Variants in MTR observed in about 807,000 individuals in gnomAD.
The protein encoded by MTR is 5-methyltetrahydrofolate-homocysteine methyltransferase.
In MTR, 84 loss-of-function variants were observed where a neutral mutation model predicts 154.8. The ratio of observed to expected loss-of-function variants is 0.54; its 90% CI spans 0.45 to 0.65. The LOEUF is 0.65. Ranked by LOEUF, MTR falls within the 30% of genes least tolerant of loss-of-function variation. MTR has a pLI of 0.00. For missense variants in MTR, 1,275 were observed against 1,570.2 expected (o/e 0.81, Z 3.18); for synonymous variants, 554 against 553.9 (o/e 1.00, Z 0.00).
intron 13 of MTR, among the ~76,000 whole-genome samples, chr1:236,834,138 G>A (rs1356423555): frequency 6.6e-6 from 1 of 152,062 alleles, no homozygotes; most frequent in Non-Finnish European, 1.5e-5. Flanking sequence ...ATTTAAATTA[G>A]TATTGATACT....
Position 236,832,017 on chromosome 1 carries a change from AGC to A in MTR, c.1130_1131del (p.Arg377LeufsTer2). 6.2e-7 allele frequency: 1 copy of A among 1,614,124 alleles called. No individual in the cohort carries two copies. The highest frequency in any genetic ancestry group is 8.5e-7 in the Non-Finnish European group (1 of 1,180,002). On this transcript the variant is annotated frameshift_variant, in exon 13 of 33. Transcript: ENST00000366577. LOFTEE classifies it high-confidence loss of function. Reference sequence around the variant, plus strand: ...TACACCAACTTTGTTAACATTGGAGAGCGCTGTAATGTTGCAGGATCAAGGAA... The same window carrying A: ...TACACCAACTTTGTTAACATTGGAGAGCTGTAATGTTGCAGGATCAAGGAA...
intron 3 of MTR, among the ~76,000 whole-genome samples, chr1:236,808,281 G>A (rs963408221): frequency 1.3e-5 from 2 of 152,160 alleles, no homozygotes; most frequent in African/African-American, 4.8e-5. Context: ...ATGAATCAAG[G>A]CCTGGAAAAG....
rs989405304 is a variant in MTR, at chr1:236,898,349, G to A, written c.*705G>A. ...CCTGAGGAAACAAAAAGGAAATGAG[G>A]AGAGAAAGTTACTGTTAAGGGTGGT... is the stretch of plus-strand genomic sequence containing the variant. On this transcript the variant is annotated 3_prime_UTR_variant, in exon 33 of 33. Coordinates refer to ENST00000366577, the MANE Select transcript of MTR (RefSeq NM_000254.3). 1 of 152,008 alleles carries A rather than the reference G, an allele frequency of 6.6e-6. No homozygotes were observed. The highest frequency in any genetic ancestry group is 2.4e-5 in the African/African-American group (1 of 41,388). The allele number at this position is 152,008 out of a possible 1,614,324, so 9.4% of individuals were successfully genotyped here. A position where few individuals can be genotyped will look rare whatever the true frequency, so the allele number is the denominator to read the frequency against.
intron 24 of MTR, among the ~76,000 whole-genome samples, chr1:236,878,507 C>T (rs1283232050): frequency 1.3e-5 from 2 of 152,022 alleles, no homozygotes; most frequent in Non-Finnish European, 2.9e-5. Flanking sequence ...AAGGTTAAGG[C>T]TGTCTAGTGC....
intron 6 of MTR, among the ~76,000 whole-genome samples, chr1:236,814,365 A>G (rs1331467703): frequency 6.6e-6 from 1 of 152,206 alleles, no homozygotes; most frequent in Non-Finnish European, 1.5e-5. Flanking sequence ...GGTATTGTTC[A>G]GATTAGAAAT....
intron 18 of MTR, among the ~76,000 whole-genome samples, chr1:236,854,728 A>T (rs935293067): frequency 6.6e-6 from 1 of 152,182 alleles, no homozygotes; most frequent in African/African-American, 2.4e-5. Flanking sequence ...CCTTATTTGT[A>T]AGACCGTTCC....
chr1:236,829,865 A>T lies in MTR; in HGVS notation c.1075+597A>T, dbSNP rs75574985. ...GGTCATCAGGCCAATTGTTAGAAAA[A>T]TAACTTTAAATTTCATATTTTTGCT... On this transcript the variant is annotated intron_variant, in intron 12 of 32. Coordinates refer to ENST00000366577, the MANE Select transcript of MTR (RefSeq NM_000254.3). Among the ~76,000 whole-genome samples, 292 of 152,344 alleles carry T rather than the reference A, an allele frequency of 1.9e-3. 1 individual carries two copies. The highest frequency in any genetic ancestry group is 6.9e-3 in the African/African-American group (286 of 41,576).
At chr1:236,808,846 T>G (rs934773677) in intron 4 of MTR, 73 bp downstream of exon 4, 2 of 1,424,682 alleles carry the variant, frequency 1.4e-6, no homozygotes, top group Admixed American at 1.7e-5. Flanking sequence ...GCTGTCCTTA[T>G]TGCAGTTTTT....
intron 22 of MTR, among the ~76,000 whole-genome samples, chr1:236,866,565 A>G (rs781473150): frequency 2.0e-5 from 3 of 152,258 alleles, no homozygotes; most frequent in Non-Finnish European, 4.4e-5. Flanking sequence ...CATTAAGTCA[A>G]AAGTTAGACA....
intron 3 of MTR, 76 bp from the exon 4 acceptor site, chr1:236,808,627 AT>A: frequency 7.2e-7 from 1 of 1,382,814 alleles, no homozygotes; most frequent in Non-Finnish European, 1.0e-6. Flanking sequence ...AAAACTGAGT[AT>A]TAGATGGTCA....
At chr1:236,798,299 C>T (rs1660514403) in intron 1 of MTR, among the ~76,000 whole-genome samples, 1 of 152,198 alleles carries the variant, frequency 6.6e-6, no homozygotes, top group African/African-American at 2.4e-5. Context: ...CTTACATGCA[C>T]ATATTAGGAA....
chr1:236,889,132 C>T, intron 27 of MTR, 49 bp from the exon 28 acceptor site: 1 of 1,611,694 alleles, frequency 6.2e-7, no homozygotes, highest in Non-Finnish European at 8.5e-7. Flanking sequence ...AGGCCTCCAT[C>T]AGGCAGGGTG....
chr1:236,897,310 G>GCACA (rs57786802), intron 32 of MTR, among the ~76,000 whole-genome samples, 192 bp downstream of exon 32: 1,344 of 128,680 alleles, frequency 0.01, 22 homozygotes, highest in African/African-American at 0.028. Flanking sequence ...CCACACACAC[G>GCACA]CACACACACA....
At chr1:236,812,407 A>T (rs1661355292) in intron 5 of MTR, among the ~76,000 whole-genome samples, 1 of 152,214 alleles carries the variant, frequency 6.6e-6, no homozygotes, top group Non-Finnish European at 1.5e-5. Flanking sequence ...GTTGATTGAA[A>T]TGAGCTATGG....
intron 3 of MTR, among the ~76,000 whole-genome samples, chr1:236,807,043 T>A (rs1401147445): frequency 6.6e-6 from 1 of 152,262 alleles, no homozygotes; most frequent in South Asian, 2.1e-4. Flanking sequence ...TGTTGCTATA[T>A]ACATGTATAT....
intron 25 of MTR, among the ~76,000 whole-genome samples, chr1:236,882,689 G>A (rs927087702): frequency 1.3e-5 from 2 of 152,146 alleles, no homozygotes; most frequent in African/African-American, 2.4e-5. Context: ...CACTGTGCCC[G>A]GCCTCCTTCA....
At position 236,900,325 on chromosome 1, in the gene MTR, G is replaced by A; in HGVS notation, c.*2681G>A. On this transcript the variant is annotated 3_prime_UTR_variant, in exon 33 of 33. Transcript: ENST00000366577. ...AGCAAGTTTGAAGAGACCACATGGG[G>A]CGTACTATTTTTATTGAGCCCAAAA... The A allele has an allele frequency of 5.6e-6, 1 of 179,522 alleles. No individual in the cohort carries two copies. Among genetic ancestry groups the A allele is most frequent in the Non-Finnish European group, 1.2e-5 (1 of 83,370 alleles). 11.1% of individuals were successfully genotyped at this position (179,522 alleles called of 1,614,324 possible). A position where few individuals can be genotyped will look rare whatever the true frequency, so the allele number is the denominator to read the frequency against.
intron 18 of MTR, among the ~76,000 whole-genome samples, chr1:236,853,401 G>T (rs1664031615): frequency 6.6e-6 from 1 of 152,110 alleles, no homozygotes; most frequent in Non-Finnish European, 1.5e-5. Flanking sequence ...GTAAGCAAAG[G>T]AAGAAAATAA....
rs147514320 is a variant in MTR at position 236,837,725 on chromosome 1, C to T, written c.1330-689C>T. Among the ~76,000 whole-genome samples the T allele has an allele frequency of 2.1e-4, 32 of 152,176 alleles. 1 individual carries two copies. The East Asian group carries it at 5.4e-3, about 26-fold the overall frequency. On this transcript the variant is annotated intron_variant, in intron 14 of 32. Coordinates refer to ENST00000366577, the MANE Select transcript of MTR (RefSeq NM_000254.3). Reference sequence around the variant, plus strand: ...ACCAGCCAAGGCAACATAGTTAGACCCTGTCTTTAAAAATATAAAAATAAT... The same window carrying T: ...ACCAGCCAAGGCAACATAGTTAGACTCTGTCTTTAAAAATATAAAAATAAT...
Sources: allele counts gnomAD v4.1 joint callset (sites outside exome capture counted in the v4.1 genomes callset), GRCh38; gene constraint gnomAD v4.1.1; transcripts MANE v1.5; gene names NCBI Gene and HGNC (gene_info 2026-07-23, HGNC 2026-07-21).